Variants in SUPV3L1 observed in about 807,000 individuals in gnomAD.
The protein encoded by SUPV3L1 is Suv3 like RNA helicase.
Under a neutral mutation model 70.0 loss-of-function variants are expected in SUPV3L1, and 35 were observed. That is an observed-to-expected ratio of 0.50 (90% CI 0.38 to 0.66). The LOEUF (loss-of-function observed/expected upper bound fraction) is 0.66. SUPV3L1 is among the 30% of genes least tolerant of loss of function. The pLI is 0.00. For missense variants in SUPV3L1, 777 were observed against 961.5 expected (o/e 0.81, Z 2.54); for synonymous variants, 364 against 341.9 (o/e 1.06, Z -0.71).
chr10:69,187,425 A>G (rs1842262785), intron 3 of SUPV3L1: 1 of 246,608 alleles, frequency 4.1e-6, no homozygotes, highest in Non-Finnish European at 7.2e-6. Flanking sequence ...GTCTCAGCTC[A>G]GTGTGTAGCC....
chr10:69,189,869 A>G (rs1268236730), intron 5 of SUPV3L1, among the ~76,000 whole-genome samples: 1 of 151,934 alleles, frequency 6.6e-6, no homozygotes, highest in Non-Finnish European at 1.5e-5. Context: ...GATGGTCTCA[A>G]TCTCCTGACC....
intron 3 of SUPV3L1, 149 bp from the exon 4 acceptor site, chr10:69,187,493 T>C: frequency 1.8e-6 from 1 of 541,516 alleles, no homozygotes; most frequent in Non-Finnish European, 3.2e-6. Flanking sequence ...GGTGGGATTG[T>C]TGACGTGAGC....
At chr10:69,207,707 T>G in intron 13 of SUPV3L1, 86 bp from the exon 14 acceptor site, 2 of 1,448,614 alleles carry the variant, frequency 1.4e-6, no homozygotes, top group Non-Finnish European at 1.8e-6. Context: ...AATGTTTTGT[T>G]TTGCTTTCTT....
rs1289181355 is a variant in SUPV3L1, at chr10:69,191,692, T to C, written c.779T>C (p.Val260Ala). 6.2e-7 allele frequency: 1 copy of C among 1,614,158 alleles called. No individual in the cohort carries two copies. Among genetic ancestry groups the C allele is most frequent in the South Asian group, 1.1e-5 (1 of 91,088 alleles). ...GACTTGGTGACAGGTGAAGAGCGTGTGACAGTTCAGCCAAATGGGAAACAG... is the reference window on the plus strand; with the variant it reads ...GACTTGGTGACAGGTGAAGAGCGTGCGACAGTTCAGCCAAATGGGAAACAG... ...PCDLVTGEER[V>A]TVQPNGKQAS... Residue 260 changes from valine to alanine, a missense_variant, in exon 6 of 15, where the codon GTG (valine) becomes GCG (alanine). Coordinates refer to ENST00000359655, the MANE Select transcript of SUPV3L1 (RefSeq NM_003171.5).
At chr10:69,191,925 G>A in intron 6 of SUPV3L1, 159 bp downstream of exon 6, 1 of 495,550 alleles carries the variant, frequency 2.0e-6, no homozygotes, top group East Asian at 3.3e-5. Context: ...TCCTGCCTCA[G>A]CCTCCCAAGT....
chr10:69,191,921 C>T (rs1174656116), intron 6 of SUPV3L1, 155 bp downstream of exon 6: 3 of 505,256 alleles, frequency 5.9e-6, no homozygotes, highest in South Asian at 2.8e-5. Flanking sequence ...ATTCTCCTGC[C>T]TCAGCCTCCC....
chr10:69,202,578 T>C, intron 12 of SUPV3L1, 59 bp downstream of exon 12: 2 of 1,474,116 alleles, frequency 1.4e-6, no homozygotes. Flanking sequence ...AGGTGATTAC[T>C]GGTTAACCTC....
intron 1 of SUPV3L1, among the ~76,000 whole-genome samples, chr10:69,182,082 A>G (rs1251378265): frequency 6.6e-6 from 1 of 151,064 alleles, no homozygotes; most frequent in Admixed American, 6.6e-5. Context: ...GTAACCTCCA[A>G]CTCCCAGACT....
rs1361326027 is a variant in SUPV3L1, at chr10:69,198,535, A to G, written c.1187A>G (p.Tyr396Cys). The G allele has an allele frequency of 1.2e-6, 2 of 1,613,878 alleles. No individual in the cohort carries two copies. Among genetic ancestry groups the G allele is most frequent in the Non-Finnish European group, 1.7e-6 (2 of 1,179,946 alleles). Residue 396 changes from tyrosine (Y) to cysteine (C), a missense_variant, in exon 9 of 15, where the codon TAT (tyrosine) becomes TGT (cysteine). Transcript: ENST00000359655. ...CGGGGATTAGAATCAGCTGTTATAT[A>G]TGGCAGTCTCCCACCTGGTAATTAT... Reference protein sequence around the residue: ...EIRGLESAVIYGSLPPGTKLA... With the variant: ...EIRGLESAVICGSLPPGTKLA...
At chr10:69,205,689 A>G (rs988351998) in intron 13 of SUPV3L1, among the ~76,000 whole-genome samples, 4 of 152,110 alleles carry the variant, frequency 2.6e-5, no homozygotes, top group Admixed American at 6.6e-5. Flanking sequence ...GCCCGCCACC[A>G]TGCCTGGCTA....
chr10:69,197,562 AATTATT>A (rs745306307), intron 8 of SUPV3L1, among the ~76,000 whole-genome samples: 76 of 151,786 alleles, frequency 5.0e-4, no homozygotes, highest in Admixed American at 1.8e-3. Flanking sequence ...TAGTAAAATG[AATTATT>A]ATTATTATTA....
At chr10:69,190,631 A>G (rs1433061465) in intron 5 of SUPV3L1, among the ~76,000 whole-genome samples, 2 of 152,160 alleles carry the variant, frequency 1.3e-5, no homozygotes, top group Non-Finnish European at 2.9e-5. Flanking sequence ...ATTACACCCC[A>G]TCCTCCACCC....
intron 3 of SUPV3L1, 191 bp from the exon 4 acceptor site, chr10:69,187,451 C>G: frequency 2.8e-6 from 1 of 351,976 alleles, no homozygotes; most frequent in Non-Finnish European, 5.2e-6. Context: ...CTCCTGGGCT[C>G]AAGCCATCCT....
At chr10:69,196,508 A>T (rs1842547046) in intron 7 of SUPV3L1, among the ~76,000 whole-genome samples, 1 of 152,010 alleles carries the variant, frequency 6.6e-6, no homozygotes, top group Admixed American at 6.6e-5. Context: ...CTCATGGAAA[A>T]AAAAAAAAAG....
Position 69,186,063 on chromosome 10 carries a change from T to C in SUPV3L1, c.348T>C (p.Asp116=). 6.2e-7 allele frequency: 1 copy of C among 1,613,572 alleles called. No individual in the cohort carries two copies. Among genetic ancestry groups the C allele is most frequent in the Non-Finnish European group, 8.5e-7 (1 of 1,179,708 alleles). ...IQKLGADYGL[D]ARLFHQAFIS... is the part of the protein sequence containing the mutation. ...AACTGGGTGCTGATTATGGACTTGATGGTAAGGCCCAAAACATCTTCATAG... is the reference window on the plus strand; with the variant it reads ...AACTGGGTGCTGATTATGGACTTGACGGTAAGGCCCAAAACATCTTCATAG... The change falls in exon 2 of 15, where the codon GAT becomes GAC. Residue 116 remains aspartate (D), a splice_region_variant and synonymous_variant. Transcript: ENST00000359655.
chr10:69,200,181 A>C (rs565788791), intron 10 of SUPV3L1, 99 bp from the exon 11 acceptor site: 1 of 939,974 alleles, frequency 1.1e-6, no homozygotes, highest in East Asian at 2.6e-5. Flanking sequence ...CAAGGTTGCA[A>C]GAGGACCTAA....
At chr10:69,189,497 G>A in intron 5 of SUPV3L1, 62 bp downstream of exon 5, 27 of 1,499,644 alleles carry the variant, frequency 1.8e-5, no homozygotes, top group Non-Finnish European at 2.1e-5. Flanking sequence ...GTGGGAGTGG[G>A]AAAAGATGTT....
At chr10:69,181,327 T>A (rs1397070805) in intron 1 of SUPV3L1, among the ~76,000 whole-genome samples, 1 of 152,206 alleles carries the variant, frequency 6.6e-6, no homozygotes, top group African/African-American at 2.4e-5. Flanking sequence ...GAGGAAATGC[T>A]ATCCAGAATT....
At chr10:69,180,671 G>T in intron 1 of SUPV3L1, 109 bp downstream of exon 1, 1 of 1,445,214 alleles carries the variant, frequency 6.9e-7, no homozygotes, top group Non-Finnish European at 9.4e-7. Context: ...CCCATCGAGT[G>T]TTGTCATCGT....
Sources: gnomAD v4.1 joint callset for allele counts (sites outside exome capture counted in the v4.1 genomes callset) on GRCh38, gnomAD v4.1.1 for gene constraint, MANE v1.5 for transcripts, NCBI Gene and HGNC (gene_info 2026-07-23, HGNC 2026-07-21) for gene names.